The following HPSE2 variants were observed in gnomAD, a reference collection of about 807,000 sequenced individuals.
HPSE2 encodes heparanase 2 (inactive).
In HPSE2, 38 loss-of-function variants were observed where a neutral mutation model predicts 60.5. The ratio of observed to expected loss-of-function variants is 0.63; its 90% CI spans 0.48 to 0.82. The LOEUF (loss-of-function observed/expected upper bound fraction) is 0.82. Ranked by LOEUF, HPSE2 falls within the 40% of genes least tolerant of loss-of-function variation. The pLI is 0.00. For missense variants in HPSE2, 713 were observed against 740.4 expected, an observed-to-expected ratio of 0.96 and a Z score of 0.43; for synonymous variants, 295 against 293.2, an observed-to-expected ratio of 1.01 and a Z score of -0.06.
intron 6 of HPSE2, among the ~76,000 whole-genome samples, chr10:98,693,364 A>T (rs1006542666): frequency 1.1e-4 from 16 of 152,306 alleles, no homozygotes; most frequent in African/African-American, 3.6e-4. Flanking sequence ...TTCCATTGTA[A>T]GATTCTTCCT....
intron 2 of HPSE2, among the ~76,000 whole-genome samples, chr10:99,184,817 T>TATATAC (rs1181998207): frequency 2.9e-4 from 5 of 17,196 alleles, no homozygotes; most frequent in African/African-American, 6.6e-4. Context: ...TATATATATA[T>TATATAC]ATAGAGAGAG....
At chr10:98,502,453 G>A (rs1030680908) in intron 9 of HPSE2, among the ~76,000 whole-genome samples, 5 of 152,130 alleles carry the variant, frequency 3.3e-5, no homozygotes, top group East Asian at 1.9e-4. Context: ...GAGGGGAAAC[G>A]TTACACTTTT....
rs369802721 is a variant in HPSE2, at chr10:98,504,578, A to G, written c.1321-14382T>C. ...GAGGTTGCCGGATCACGAGGTCAGG[A>G]GATCAAGACCACCCTGGCTAACACC... On this transcript the variant is annotated intron_variant, in intron 9 of 11. Transcript: ENST00000370552. Among the ~76,000 whole-genome samples the G allele has an allele frequency of 3.8e-3, 572 of 152,232 alleles. 1 individual carries two copies. Among genetic ancestry groups the G allele is most frequent in the Middle Eastern group, 0.017 (5 of 294 alleles).
intron 2 of HPSE2, among the ~76,000 whole-genome samples, chr10:99,162,320 C>T (rs570377744): frequency 6.6e-6 from 1 of 152,226 alleles, no homozygotes; most frequent in East Asian, 1.9e-4. Flanking sequence ...CTTCAAATGC[C>T]ATTGTTACAT....
chr10:99,164,525 G>T (rs1846988067), intron 2 of HPSE2, among the ~76,000 whole-genome samples: 1 of 151,584 alleles, frequency 6.6e-6, no homozygotes, highest in Non-Finnish European at 1.5e-5. Flanking sequence ...CCTTTTGTTG[G>T]AGAATAATAT....
At chr10:99,286,531 G>A in the HPSE2 span, among the ~76,000 whole-genome samples, 2 of 152,088 alleles carry the variant, frequency 1.3e-5, no homozygotes, top group Admixed American at 1.3e-4. Flanking sequence ...CCAGGGGCTG[G>A]GGAAAGTGGG....
chr10:98,793,927 T>A (rs1950714515), intron 3 of HPSE2, among the ~76,000 whole-genome samples: 2 of 152,252 alleles, frequency 1.3e-5, no homozygotes, highest in African/African-American at 4.8e-5. Context: ...GGATATGAGT[T>A]CTGAGAAATC....
intron 9 of HPSE2, among the ~76,000 whole-genome samples, chr10:98,568,200 G>A (rs1293296052): frequency 6.6e-6 from 1 of 152,224 alleles, no homozygotes; most frequent in East Asian, 1.9e-4. Flanking sequence ...TGACCCTGCT[G>A]AGACAGTGAC....
At chr10:98,727,141 C>A (rs950139466) in intron 4 of HPSE2, among the ~76,000 whole-genome samples, 1 of 152,026 alleles carries the variant, frequency 6.6e-6, no homozygotes, top group Admixed American at 6.6e-5. Flanking sequence ...GGGAGACAGA[C>A]TCTATAGAGT....
At chr10:98,712,889 C>T (rs777682609) in intron 5 of HPSE2, among the ~76,000 whole-genome samples, 6 of 152,164 alleles carry the variant, frequency 3.9e-5, no homozygotes. Context: ...AGGCTTGTTG[C>T]TAGCACTGCA....
At position 99,051,959 on chromosome 10, in the gene HPSE2, A is replaced by AT. The variant is rs576515324; in HGVS notation, c.610+92278_610+92279insA. On this transcript the variant is annotated intron_variant, in intron 3 of 11. Transcript: ENST00000370552. Reference sequence around the variant, plus strand: ...CTGTCTGCTTGAAATTAAAAAAAAAAAATCACTCTTTAGGGAACAAGAACA... The same window carrying AT: ...CTGTCTGCTTGAAATTAAAAAAAAAATAATCACTCTTTAGGGAACAAGAACA... Among the ~76,000 whole-genome samples the AT allele has an allele frequency of 5.7e-3, 868 of 152,138 alleles. 5 individuals are homozygous for AT. Among genetic ancestry groups the AT allele is most frequent in the African/African-American group, 0.02 (828 of 41,512 alleles).
chr10:99,198,566 G>A (rs1056817461), intron 2 of HPSE2, among the ~76,000 whole-genome samples: 3 of 152,084 alleles, frequency 2.0e-5, no homozygotes, highest in African/African-American at 7.2e-5. Context: ...TATTGAAATG[G>A]CAAATCACTA....
intron 3 of HPSE2, among the ~76,000 whole-genome samples, chr10:98,824,004 T>C (rs1951483964): frequency 1.3e-5 from 2 of 152,180 alleles, no homozygotes; most frequent in South Asian, 4.1e-4. Flanking sequence ...ATGAGTATGT[T>C]CTCTACAGTC....
chr10:98,611,189 G>A (rs559258016), intron 9 of HPSE2, among the ~76,000 whole-genome samples: 1 of 152,298 alleles, frequency 6.6e-6, no homozygotes, highest in South Asian at 2.1e-4. Context: ...AGCAGGAGGT[G>A]GGTGGCACTT....
chr10:98,653,511 T>G (rs1946975799), intron 6 of HPSE2, among the ~76,000 whole-genome samples: 1 of 152,012 alleles, frequency 6.6e-6, no homozygotes. Context: ...ACTATTATAT[T>G]TCTTTCTAAA....
chr10:99,222,323 T>G (rs1849341789), intron 2 of HPSE2, among the ~76,000 whole-genome samples: 1 of 152,156 alleles, frequency 6.6e-6, no homozygotes, highest in Admixed American at 6.6e-5. Context: ...CTTTGTTCCT[T>G]GATTTCTTCA....
At chr10:98,461,846 T>A in intron 11 of HPSE2, 1 of 1,524,844 alleles carries the variant, frequency 6.6e-7, no homozygotes, top group African/African-American at 1.4e-5. Context: ...AACGTGTGAT[T>A]AGCAAACCTT....
intron 3 of HPSE2, among the ~76,000 whole-genome samples, chr10:99,104,726 G>T (rs1269637236): frequency 6.6e-6 from 1 of 152,080 alleles, no homozygotes; most frequent in African/African-American, 2.4e-5. Context: ...GGAATACTAT[G>T]CAGCCATAAA....
intron 2 of HPSE2, among the ~76,000 whole-genome samples, chr10:99,186,069 C>T (rs1564879447): frequency 7.0e-6 from 1 of 142,272 alleles, no homozygotes; most frequent in East Asian, 2.1e-4. Flanking sequence ...TGGCCAGATC[C>T]AATAAACACT....
Sources: gnomAD v4.1 joint callset for allele counts (sites outside exome capture counted in the v4.1 genomes callset) on GRCh38, gnomAD v4.1.1 for gene constraint, MANE v1.5 for transcripts, NCBI Gene and HGNC (gene_info 2026-07-23, HGNC 2026-07-21) for gene names.